Variants in B4GALT1 observed in about 807,000 individuals in gnomAD.
B4GALT1 encodes N-acetyllactosamine synthase.
In B4GALT1, 16 loss-of-function variants were observed where a neutral mutation model predicts 34.9. That is an observed-to-expected ratio of 0.46 (90% CI 0.31 to 0.70). The LOEUF (loss-of-function observed/expected upper bound fraction) is 0.70. Ranked by LOEUF, B4GALT1 falls within the 30% of genes least tolerant of loss-of-function variation. B4GALT1 has a pLI of 0.05. For synonymous variants in B4GALT1, 221 were observed against 218.1 expected (o/e 1.01, Z -0.12); for missense variants, 445 against 530.5 (o/e 0.84, Z 1.58).
At chr9:33,140,087 A>C (rs1193237821) in intron 1 of B4GALT1, among the ~76,000 whole-genome samples, 1 of 152,236 alleles carries the variant, frequency 6.6e-6, no homozygotes, top group African/African-American at 2.4e-5. Context: ...TGCCTGGCAC[A>C]GCAAACCCAA....
the B4GALT1 span, among the ~76,000 whole-genome samples, chr9:33,173,171 A>T: frequency 6.6e-6 from 1 of 152,202 alleles, no homozygotes; most frequent in Non-Finnish European, 1.5e-5. Context: ...TGGGAGTCCA[A>T]GGCGGGCAGA....
At chr9:33,141,367 CA>C (rs1397491304) in intron 1 of B4GALT1, among the ~76,000 whole-genome samples, 3 of 151,996 alleles carry the variant, frequency 2.0e-5, no homozygotes, top group Admixed American at 6.6e-5. Context: ...ATTAAAAATA[CA>C]AAAATTAACC....
At chr9:33,158,130 C>G (rs189438829) in intron 1 of B4GALT1, among the ~76,000 whole-genome samples, 110 of 152,264 alleles carry the variant, frequency 7.2e-4, no homozygotes, top group Middle Eastern at 6.8e-3. Context: ...TTTTCCCCCC[C>G]ACTCGCCAAA....
At chr9:33,108,795 T>C (rs1210671374), downstream of B4GALT1, 1 of 152,166 alleles carries the variant, frequency 6.6e-6, no homozygotes, top group East Asian at 1.9e-4. Context: ...TGTGTGGCAC[T>C]GTGAGATAAT....
the B4GALT1 span, among the ~76,000 whole-genome samples, chr9:33,181,182 G>T: frequency 3.3e-5 from 5 of 152,194 alleles, no homozygotes; most frequent in Non-Finnish European, 7.3e-5. Flanking sequence ...CACTTCAAGA[G>T]GCTGAGGCAG....
chr9:33,137,118 C>A (rs1248913258), intron 1 of B4GALT1, among the ~76,000 whole-genome samples: 1 of 152,208 alleles, frequency 6.6e-6, no homozygotes, highest in Non-Finnish European at 1.5e-5. Context: ...TACTTTCCCA[C>A]TAAAACCTCC....
chr9:33,109,895 A>G (rs1839834487), downstream of B4GALT1, among the ~76,000 whole-genome samples: 1 of 152,220 alleles, frequency 6.6e-6, no homozygotes, highest in Admixed American at 6.5e-5. Context: ...AAGGAAAGAA[A>G]CAGGTTTTTT....
At chr9:33,138,927 C>T (rs34554920) in intron 1 of B4GALT1, among the ~76,000 whole-genome samples, 16,558 of 151,974 alleles carry the variant, frequency 0.11, 994 homozygotes, top group African/African-American at 0.15. Flanking sequence ...ATTCCCCCTC[C>T]TCTCTCCCCA....
chr9:33,130,892 G>A (rs1840185789), intron 2 of B4GALT1, among the ~76,000 whole-genome samples: 1 of 145,192 alleles, frequency 6.9e-6, no homozygotes, highest in Admixed American at 7.2e-5. Context: ...AGCAGGCAGA[G>A]GAAGCAGGCA....
intron 1 of B4GALT1, among the ~76,000 whole-genome samples, chr9:33,161,472 T>G (rs1253456166): frequency 6.6e-6 from 1 of 152,124 alleles, no homozygotes; most frequent in Non-Finnish European, 1.5e-5. Context: ...AACTCAGGTC[T>G]CAGGTCTCTA....
At chr9:33,120,776 A>G (rs1247354776) in intron 2 of B4GALT1, among the ~76,000 whole-genome samples, 170 bp from the exon 3 acceptor site, 1 of 152,198 alleles carries the variant, frequency 6.6e-6, no homozygotes, top group East Asian at 1.9e-4. Context: ...CTGAGTCAGC[A>G]ATTCCCCTCT....
At chr9:33,174,603 C>T in the B4GALT1 span, among the ~76,000 whole-genome samples, 4 of 151,244 alleles carry the variant, frequency 2.6e-5, no homozygotes, top group Admixed American at 6.6e-5. Flanking sequence ...GAGCGGAGAT[C>T]GTGCCACTGC....
downstream of B4GALT1, among the ~76,000 whole-genome samples, chr9:33,110,134 A>G (rs1478473533): frequency 6.6e-6 from 1 of 152,220 alleles, no homozygotes; most frequent in Admixed American, 6.5e-5. Flanking sequence ...TGCCAATTCA[A>G]TCCAACCAGC....
At chr9:33,107,930 T>C (rs913325096), downstream of B4GALT1, among the ~76,000 whole-genome samples, 9 of 152,112 alleles carry the variant, frequency 5.9e-5, no homozygotes, top group African/African-American at 2.2e-4. Context: ...CCCTGAGGTT[T>C]ACTCACCCAG....
Position 33,166,747 on chromosome 9 carries a change from C to A in B4GALT1, c.412+11G>T, listed in dbSNP as rs73472943. 0.057 allele frequency: 85,873 copies of A among 1,500,320 alleles called. 3,263 individuals carry two copies. Among genetic ancestry groups the A allele is most frequent in the African/African-American group, 0.18 (12,874 of 70,722 alleles). 92.9% of individuals were successfully genotyped at this position (1,500,320 alleles called of 1,614,324 possible). A position where few individuals can be genotyped will look rare whatever the true frequency, so the allele number is the denominator to read the frequency against. Reference sequence around the variant, plus strand: ...CCCAATCCTCCGACTGGCGCCGACCCGAGTCCTTACCAAGCAGCGGGGACT... The same window carrying A: ...CCCAATCCTCCGACTGGCGCCGACCAGAGTCCTTACCAAGCAGCGGGGACT... On this transcript the variant is annotated intron_variant, in intron 1 of 5. Coordinates refer to ENST00000379731, the MANE Select transcript of B4GALT1 (RefSeq NM_001497.4).
At chr9:33,164,429 A>C (rs1840718634) in intron 1 of B4GALT1, among the ~76,000 whole-genome samples, 1 of 152,160 alleles carries the variant, frequency 6.6e-6, no homozygotes, top group African/African-American at 2.4e-5. Flanking sequence ...AAAATGAAGA[A>C]AAGACCTCTC....
chr9:33,128,490 G>T (rs1190828796), intron 2 of B4GALT1, among the ~76,000 whole-genome samples: 1 of 152,106 alleles, frequency 6.6e-6, no homozygotes, highest in African/African-American at 2.4e-5. Flanking sequence ...CCAGAGAACA[G>T]AGACACACAT....
At chr9:33,175,811 T>C in the B4GALT1 span, among the ~76,000 whole-genome samples, 3 of 152,234 alleles carry the variant, frequency 2.0e-5, no homozygotes, top group Admixed American at 1.3e-4. Context: ...CACTCTTTGA[T>C]GTTTGCACAA....
chr9:33,132,000 T>C (rs1186809768), intron 2 of B4GALT1, among the ~76,000 whole-genome samples: 2 of 151,786 alleles, frequency 1.3e-5, no homozygotes, highest in African/African-American at 2.4e-5. Flanking sequence ...TAGGGTGAGA[T>C]TGGAGCAGAT....
Sources: allele counts gnomAD v4.1 joint callset (sites outside exome capture counted in the v4.1 genomes callset), GRCh38; gene constraint gnomAD v4.1.1; transcripts MANE v1.5; gene names NCBI Gene and HGNC (gene_info 2026-07-23, HGNC 2026-07-21).